The following LRCH1 variants were observed in gnomAD, a reference collection of about 807,000 sequenced individuals.
The protein encoded by LRCH1 is leucine-rich repeat and calponin homology domain-containing protein 1.
Under a neutral mutation model 94.9 loss-of-function variants are expected in LRCH1, and 23 were observed. That is an observed-to-expected ratio of 0.24 (90% CI 0.17 to 0.34). The LOEUF (loss-of-function observed/expected upper bound fraction) is 0.34. Among genes scored for constraint, LRCH1 ranks in the 10% least tolerant of loss-of-function variants. The pLI is 1.00. For missense variants in LRCH1, 790 were observed against 945.9 expected (o/e 0.84, Z 2.16); for synonymous variants, 364 against 354.9 (o/e 1.03, Z -0.29).
intron 15 of LRCH1, 46 bp from the exon 16 acceptor site, chr13:46,715,514 G>A (rs1872274393): frequency 1.3e-5 from 15 of 1,133,298 alleles, no homozygotes; most frequent in Admixed American, 2.0e-5. Context: ...GTTTTTCCTG[G>A]TCCTTGTGCA....
chr13:46,601,142 C>G (rs2050623767), intron 1 of LRCH1, among the ~76,000 whole-genome samples: 1 of 152,258 alleles, frequency 6.6e-6, no homozygotes, highest in Non-Finnish European at 1.5e-5. Flanking sequence ...CATCACCTAC[C>G]TCATGGATGC....
At chr13:46,704,053 C>G (rs996037234) in intron 11 of LRCH1, among the ~76,000 whole-genome samples, 1 of 151,926 alleles carries the variant, frequency 6.6e-6, no homozygotes. Context: ...CATTTTCTTT[C>G]TAAAATAATC....
At chr13:46,739,922 C>T (rs1434885126) in intron 19 of LRCH1, among the ~76,000 whole-genome samples, 1 of 152,156 alleles carries the variant, frequency 6.6e-6, no homozygotes, top group Admixed American at 6.5e-5. Flanking sequence ...GACTCTAGTT[C>T]TCTGATGGTG....
At chr13:46,670,421 C>T (rs1383652203) in intron 3 of LRCH1, among the ~76,000 whole-genome samples, 5 of 152,150 alleles carry the variant, frequency 3.3e-5, no homozygotes, top group Admixed American at 6.5e-5. Flanking sequence ...CATACAACGG[C>T]AGAGGTTGCC....
chr13:46,701,170 C>T lies in LRCH1; in HGVS notation c.1363C>T (p.Leu455=). The T allele has an allele frequency of 6.2e-7, 1 of 1,613,846 alleles. No individual in the cohort carries two copies. Residue 455 remains leucine, a synonymous_variant, in exon 11 of 20, where the codon CTG becomes TTG. Transcript: ENST00000389797. ...CATGGATATAGCAATGATCGAGCAG[C>T]TGAGAGAAGCAGTAGATTTGCTGCA... ...QDMDIAMIEQ[L]REAVDLLQDP...
chr13:46,567,492 T>TTGTGTGTGTGTGTG (rs35848521), intron 1 of LRCH1, among the ~76,000 whole-genome samples: 7,520 of 141,792 alleles, frequency 0.053, 247 homozygotes, highest in African/African-American at 0.086. Context: ...TAAGGCAATT[T>TTGTGTGTGTGTGTG]TGTGTGTGTG....
intron 1 of LRCH1, among the ~76,000 whole-genome samples, chr13:46,627,326 T>C (rs1040878467): frequency 3.9e-5 from 6 of 152,212 alleles, no homozygotes; most frequent in Admixed American, 3.3e-4. Context: ...AATGTAAAAG[T>C]GATACCAGCT....
intron 1 of LRCH1, among the ~76,000 whole-genome samples, chr13:46,643,387 C>G (rs1040327286): frequency 6.6e-6 from 1 of 152,182 alleles, no homozygotes; most frequent in Non-Finnish European, 1.5e-5. Context: ...ACTGCCCTCT[C>G]ATGTCTTTAA....
At chr13:46,606,155 T>C (rs1478371204) in intron 1 of LRCH1, among the ~76,000 whole-genome samples, 1 of 151,756 alleles carries the variant, frequency 6.6e-6, no homozygotes. Flanking sequence ...CTTATGTGTG[T>C]GTGTGTGTGT....
intron 3 of LRCH1, among the ~76,000 whole-genome samples, chr13:46,675,771 T>C (rs1470859911): frequency 1.3e-5 from 2 of 152,166 alleles, no homozygotes; most frequent in African/African-American, 2.4e-5. Context: ...GTGGGATGAT[T>C]GGAAACCCAG....
intron 4 of LRCH1, among the ~76,000 whole-genome samples, chr13:46,684,214 T>G (rs766690321): frequency 6.0e-5 from 9 of 149,398 alleles, no homozygotes; most frequent in African/African-American, 2.2e-4. Flanking sequence ...TTCTTCTGCT[T>G]CTTTTTTTTC....
In LRCH1 at chr13:46,573,845, A is replaced by AATATATATATATATATAT. The variant is rs1555269134; in HGVS notation, c.307+20147_307+20164dup. On this transcript the variant is annotated intron_variant, in intron 1 of 19. Coordinates refer to ENST00000389797, the MANE Select transcript of LRCH1 (RefSeq NM_001164211.2). ...TAGCACAACAGGGTGACTATAGTCAAATATATATATATATATATATATTTT... is the reference window on the plus strand; with the variant it reads ...TAGCACAACAGGGTGACTATAGTCAAATATATATATATATATATATATATATATATATATATATATTTT... Among the ~76,000 whole-genome samples the AATATATATATATATATAT allele has an allele frequency of 1.0e-3, 79 of 77,932 alleles. 3 individuals are homozygous for AATATATATATATATATAT. Among genetic ancestry groups the AATATATATATATATATAT allele is most frequent in the Non-Finnish European group, 1.4e-3 (55 of 39,268 alleles). The allele number at this position is 77,932 out of a possible 152,430, so 51.1% of individuals were successfully genotyped here. A position where few individuals can be genotyped will look rare whatever the true frequency, so the allele number is the denominator to read the frequency against.
chr13:46,584,600 C>T (rs2137948468), intron 1 of LRCH1, among the ~76,000 whole-genome samples: 1 of 152,238 alleles, frequency 6.6e-6, no homozygotes, highest in East Asian at 1.9e-4. Flanking sequence ...GCAGAGCCCC[C>T]TCAGCTCCTG....
At chr13:46,698,520 T>C (rs1871309392) in intron 9 of LRCH1, among the ~76,000 whole-genome samples, 1 of 152,164 alleles carries the variant, frequency 6.6e-6, no homozygotes, top group Non-Finnish European at 1.5e-5. Context: ...AACTATTAGA[T>C]GCAATCAGAA....
intron 18 of LRCH1, among the ~76,000 whole-genome samples, chr13:46,731,146 A>C (rs1302181189): frequency 7.0e-6 from 1 of 143,714 alleles, no homozygotes; most frequent in Non-Finnish European, 1.5e-5. Context: ...TTTTTTGGTA[A>C]AATTAAGTTG....
rs200425353 is a variant in LRCH1 at position 46,579,463 on chromosome 13, C to T, written c.307+25760C>T. ...TTTTTTCTTCCTTGGAATTTCTTTT[C>T]TTTTTTTTTTTTAACCATATATGCT... On this transcript the variant is annotated intron_variant, in intron 1 of 19. Coordinates refer to ENST00000389797, the MANE Select transcript of LRCH1 (RefSeq NM_001164211.2). Among the ~76,000 whole-genome samples the T allele has an allele frequency of 5.4e-5, 8 of 146,790 alleles. No homozygotes were observed. In the South Asian group the frequency reaches 1.3e-3, roughly 24 times the overall value.
intron 1 of LRCH1, among the ~76,000 whole-genome samples, chr13:46,579,639 C>T (rs948997534): frequency 2.6e-5 from 4 of 152,106 alleles, no homozygotes; most frequent in Admixed American, 6.5e-5. Flanking sequence ...ACAACAAGAG[C>T]GGATCATCTT....
At chr13:46,666,500 C>G (rs1414616064) in intron 2 of LRCH1, among the ~76,000 whole-genome samples, 1 of 152,134 alleles carries the variant, frequency 6.6e-6, no homozygotes. Context: ...CTCTGAGTTT[C>G]CAGGCAAAGA....
rs186565104 is a variant in LRCH1 at position 46,613,505 on chromosome 13, T to C, written c.308-36696T>C. 2.1e-4 allele frequency among the ~76,000 whole-genome samples: 32 copies of C among 152,324 alleles called. No homozygotes were observed. In the East Asian group the frequency reaches 5.2e-3, roughly 25 times the overall value. ...CTTCCTTAATGATAAGCCCTCAGCT[T>C]TGCTCAGGACTCAGCCTCCCATGTG... On this transcript the variant is annotated intron_variant, in intron 1 of 19. Transcript: ENST00000389797.
Sources: gnomAD v4.1 joint callset for allele counts (sites outside exome capture counted in the v4.1 genomes callset) on GRCh38, gnomAD v4.1.1 for gene constraint, MANE v1.5 for transcripts, NCBI Gene and HGNC (gene_info 2026-07-23, HGNC 2026-07-21) for gene names.